Variants in TMEM204 observed in about 807,000 individuals in gnomAD.
TMEM204 encodes the protein transmembrane protein 204, also known as claudin-like protein 24.
TMEM204 carries 15 observed loss-of-function variants against 19.4 expected under a neutral mutation model. That is an observed-to-expected ratio of 0.77 (90% CI 0.52 to 1.19). The LOEUF (loss-of-function observed/expected upper bound fraction) is 1.19. Ranked by LOEUF, TMEM204 falls within the 50% of genes most tolerant of loss-of-function variation. The pLI is 0.00. For synonymous variants in TMEM204, 161 were observed against 146.0 expected, an observed-to-expected ratio of 1.10 and a Z score of -0.74; for missense variants, 287 against 321.2, an observed-to-expected ratio of 0.89 and a Z score of 0.81.
At chr16:1,540,544 C>A (rs1018830211) in intron 1 of TMEM204, among the ~76,000 whole-genome samples, 1 of 152,314 alleles carries the variant, frequency 6.6e-6, no homozygotes, top group Non-Finnish European at 1.5e-5. Flanking sequence ...AGCAGTCACC[C>A]TAGAGGCCAG....
Position 1,534,461 on chromosome 16 carries a change from G to T in TMEM204, c.186G>T (p.Gly62=). 6.2e-7 allele frequency: 1 copy of T among 1,611,094 alleles called. No homozygotes were observed. Among genetic ancestry groups the T allele is most frequent in the Non-Finnish European group, 8.5e-7 (1 of 1,179,808 alleles). Residue 62 remains glycine (G), a synonymous_variant, in exon 1 of 3, where the codon GGG becomes GGT. Transcript: ENST00000566264. The part of the protein sequence containing the change: ...VDRTRGGPSP[G]ARAGQVDAHD... ...GGACCCGGGGAGGGCCGAGCCCTGG[G>T]GCCAGAGCCGGCCAGGTGGACGCAC...
chr16:1,544,833 A>G (rs1202580334), intron 2 of TMEM204, among the ~76,000 whole-genome samples: 1 of 151,556 alleles, frequency 6.6e-6, no homozygotes, highest in Non-Finnish European at 1.5e-5. Context: ...TATTTTTAGT[A>G]GAGACGGGGT....
upstream of TMEM204, chr16:1,528,892 C>A (rs566760734): frequency 6.6e-6 from 1 of 152,368 alleles, no homozygotes; most frequent in African/African-American, 2.4e-5. Context: ...CCAGGGAGCC[C>A]AGTCCCACGG....
chr16:1,541,582 C>A (rs921525811), intron 1 of TMEM204: 3 of 821,590 alleles, frequency 3.7e-6, no homozygotes, highest in African/African-American at 3.7e-5. Flanking sequence ...CCTCCACCCC[C>A]ACGCCAGCGC....
intron 2 of TMEM204, among the ~76,000 whole-genome samples, chr16:1,548,774 C>T (rs894282385): frequency 2.6e-5 from 4 of 152,222 alleles, no homozygotes; most frequent in East Asian, 1.9e-4. Context: ...GCATCCACAG[C>T]GCAGTGCGAT....
chr16:1,542,451 A>C (rs559381568), intron 2 of TMEM204, among the ~76,000 whole-genome samples: 1 of 152,312 alleles, frequency 6.6e-6, no homozygotes, highest in South Asian at 2.1e-4. Context: ...ATGCTGAGGC[A>C]GCTGGTGGGG....
At chr16:1,537,240 C>T (rs995640347) in intron 1 of TMEM204, among the ~76,000 whole-genome samples, 3 of 151,740 alleles carry the variant, frequency 2.0e-5, no homozygotes, top group East Asian at 1.9e-4. Flanking sequence ...GGGAAGACAA[C>T]GCCACACCGC....
At chr16:1,547,141 T>C (rs2032243732) in intron 2 of TMEM204, among the ~76,000 whole-genome samples, 1 of 152,224 alleles carries the variant, frequency 6.6e-6, no homozygotes, top group African/African-American at 2.4e-5. Context: ...CCACTCCCCA[T>C]TACCTTGTAA....
intron 2 of TMEM204, among the ~76,000 whole-genome samples, chr16:1,548,762 C>T (rs900603466): frequency 3.3e-5 from 5 of 152,342 alleles, no homozygotes; most frequent in South Asian, 2.1e-4. Flanking sequence ...GGCTTCAGAA[C>T]GGCATCCACA....
Position 1,534,618 on chromosome 16 carries a change from G to A in TMEM204, c.280+63G>A, listed in dbSNP as rs368186281. ...CGAGGCTCGAGGGCACATGGGAGAT[G>A]TTAGGCGCGGACCTGGTGAGCGGGT... is the stretch of plus-strand genomic sequence containing the variant. On this transcript the variant is annotated intron_variant, in intron 1 of 2. Transcript: ENST00000566264. 2.3e-4 allele frequency: 373 copies of A among 1,591,420 alleles called. 2 individuals are homozygous for A. The East Asian group carries it at 5.0e-3, about 22-fold the overall frequency.
chr16:1,537,109 G>A (rs769247475), intron 1 of TMEM204, among the ~76,000 whole-genome samples: 2 of 152,220 alleles, frequency 1.3e-5, no homozygotes, highest in Non-Finnish European at 1.5e-5. Context: ...GGCTGCGACC[G>A]TCTGTGCTGT....
In TMEM204 at chr16:1,553,142, T is replaced by C. The variant is rs1259875499; in HGVS notation, c.437-1640T>C. 1.4e-5 allele frequency: 14 copies of C among 985,248 alleles called. No individual in the cohort carries two copies. The Admixed American group carries it at 8.6e-4, about 61-fold the overall frequency. The allele number at this position is 985,248 out of a possible 1,614,324, so 61.0% of individuals were successfully genotyped here. On this transcript the variant is annotated intron_variant, in intron 2 of 2. Coordinates refer to ENST00000566264, the MANE Select transcript of TMEM204 (RefSeq NM_024600.6). The surrounding 1 kb of genome is among the most constrained non-coding windows in gnomAD (Gnocchi z 4.4). ...ATGATGAAAAGATAATGCTTGGGTT[T>C]TTAGGAAAAACAAGGCTGGTTACCC...
chr16:1,543,840 C>G (rs2141310417), intron 2 of TMEM204, among the ~76,000 whole-genome samples: 1 of 152,236 alleles, frequency 6.6e-6, no homozygotes, highest in African/African-American at 2.4e-5. Flanking sequence ...CCAATCTCTA[C>G]CGCGTGCAGG....
At chr16:1,538,021 C>T (rs569117853) in intron 1 of TMEM204, among the ~76,000 whole-genome samples, 1 of 151,680 alleles carries the variant, frequency 6.6e-6, no homozygotes, top group South Asian at 2.1e-4. Context: ...CCACGCACAG[C>T]CACGCAGAGC....
At chr16:1,549,954 C>T (rs1424920921) in intron 2 of TMEM204, among the ~76,000 whole-genome samples, 1 of 152,160 alleles carries the variant, frequency 6.6e-6, no homozygotes, top group Admixed American at 6.5e-5. Flanking sequence ...AGTTTATCTA[C>T]ATTCTGAGTC....
In TMEM204 at chr16:1,540,117, G is replaced by A. The variant is rs375469664; in HGVS notation, c.281-1804G>A. Among the ~76,000 whole-genome samples, 81 of 152,294 alleles carry A rather than the reference G, an allele frequency of 5.3e-4. 2 individuals are homozygous for A. In the South Asian group the frequency reaches 0.012, roughly 22 times the overall value. ...AGTGTGCCTCCAGGGATGCTGGGACGCCGAAAGCCTAGACTGAGACGATCC... is the reference window on the plus strand; with the variant it reads ...AGTGTGCCTCCAGGGATGCTGGGACACCGAAAGCCTAGACTGAGACGATCC... On this transcript the variant is annotated intron_variant, in intron 1 of 2. Coordinates refer to ENST00000566264, the MANE Select transcript of TMEM204 (RefSeq NM_024600.6).
chr16:1,550,215 C>G lies in TMEM204; in HGVS notation c.437-4567C>G, dbSNP rs189219366. On this transcript the variant is annotated intron_variant, in intron 2 of 2. Coordinates refer to ENST00000566264, the MANE Select transcript of TMEM204 (RefSeq NM_024600.6). ...TTGGCCTTCCAAAGTGCTGGGATTACAGGCTTGAGCCACCGCCCCAGCCCC... is the reference window on the plus strand; with the variant it reads ...TTGGCCTTCCAAAGTGCTGGGATTAGAGGCTTGAGCCACCGCCCCAGCCCC... 7.0e-3 allele frequency among the ~76,000 whole-genome samples: 1,061 copies of G among 152,292 alleles called. 5 individuals carry two copies. The highest frequency in any genetic ancestry group is 0.014 in the Middle Eastern group (4 of 294).
upstream of TMEM204, chr16:1,531,681 C>G (rs540897532): frequency 2.0e-5 from 3 of 152,330 alleles, no homozygotes; most frequent in Admixed American, 1.3e-4. This position sits in a 1 kb window ranked among gnomAD's most constrained non-coding sequence, Gnocchi z 4.7. Context: ...CCTCCCGCGC[C>G]CAGCCTGCCA....
chr16:1,554,738 C>A, intron 2 of TMEM204, 44 bp from the exon 3 acceptor site: 5 of 1,604,994 alleles, frequency 3.1e-6, no homozygotes, highest in Non-Finnish European at 4.3e-6. Context: ...GTGGAACCCG[C>A]CTTCCTCTCA....
Sources: gnomAD v4.1 joint callset for allele counts (sites outside exome capture counted in the v4.1 genomes callset) on GRCh38, gnomAD v4.1.1 for gene constraint, Gnocchi (gnomAD v3.1) non-coding constraint, MANE v1.5 for transcripts, NCBI Gene and HGNC (gene_info 2026-07-23, HGNC 2026-07-21) for gene names.